SPARC: variants seen among roughly 807,000 people sequenced by gnomAD.
SPARC encodes the protein secreted protein acidic and cysteine rich.
SPARC carries 23 observed loss-of-function variants against 37.7 expected under a neutral mutation model. The ratio of observed to expected loss-of-function variants is 0.61; its 90% confidence interval spans 0.44 to 0.87. The LOEUF is 0.87. Among genes scored for constraint, SPARC ranks in the 40% least tolerant of loss-of-function variants. The pLI is 0.00. For missense variants in SPARC, 312 were observed against 389.0 expected (o/e 0.80, Z 1.66); for synonymous variants, 155 against 150.8 (o/e 1.03, Z -0.20).
chr5:151,673,751 ATGT>A (rs1161315954), intron 3 of SPARC, among the ~76,000 whole-genome samples: 2 of 152,154 alleles, frequency 1.3e-5, no homozygotes, highest in East Asian at 3.8e-4. Flanking sequence ...CAATTTAGAC[ATGT>A]TGATTGAAGT....
intron 5 of SPARC, among the ~76,000 whole-genome samples, chr5:151,670,687 C>T (rs1009922340): frequency 6.6e-6 from 1 of 152,138 alleles, no homozygotes; most frequent in Admixed American, 6.5e-5. Context: ...ATGCAGTGGC[C>T]GTAAGTAGCT....
chr5:151,684,895 G>A (rs1006435329), intron 1 of SPARC, among the ~76,000 whole-genome samples: 1 of 152,170 alleles, frequency 6.6e-6, no homozygotes, highest in Admixed American at 6.5e-5. Flanking sequence ...CCCTTGCAAG[G>A]AGATTATCAT....
At chr5:151,675,684 T>C (rs7733793) in intron 2 of SPARC, among the ~76,000 whole-genome samples, 93,247 of 151,832 alleles carry the variant, frequency 0.61, 29,009 homozygotes, top group African/African-American at 0.69. Flanking sequence ...TTCCCCTCCT[T>C]CCCCAATTTA....
At chr5:151,670,478 C>T (rs575940111) in intron 5 of SPARC, among the ~76,000 whole-genome samples, 8 of 152,300 alleles carry the variant, frequency 5.3e-5, no homozygotes, top group African/African-American at 1.4e-4. Context: ...CTCTGATGAC[C>T]CCTCTTGGGA....
rs187002004 is a variant in SPARC, at chr5:151,682,621, T to C, written c.-14+4244A>G. Among the ~76,000 whole-genome samples, 24 of 152,328 alleles carry C rather than the reference T, an allele frequency of 1.6e-4. No individual in the cohort carries two copies. The East Asian group carries it at 4.2e-3, about 27-fold the overall frequency. On this transcript the variant is annotated intron_variant, in intron 1 of 9. Coordinates refer to ENST00000231061, the MANE Select transcript of SPARC (RefSeq NM_003118.4). ...CTGACAGCCACTACCGATGAATTAG[T>C]GATGTTGTCAGGCCACATGAAACCT...
Position 151,674,642 on chromosome 5 carries a change from C to T in SPARC, c.90G>A (p.Val30=). 6.2e-7 allele frequency: 1 copy of T among 1,614,172 alleles called. No homozygotes were observed. Among genetic ancestry groups the T allele is most frequent in the South Asian group, 1.1e-5 (1 of 91,084 alleles). The change falls in exon 3 of 10, where the codon GTG becomes GTA. Residue 30 remains valine, a synonymous_variant. Transcript: ENST00000231061. The stretch of plus-strand genomic sequence containing the variant: ...TCACCTCTGCCACAGTTTCTTCCAC[C>T]ACCTCTGTCTCATCAGGCAGGGCTT... ...QQEALPDETE[V]VEETVAEVTE... is the part of the protein sequence containing the mutation.
At chr5:151,682,296 A>G (rs1761012720) in intron 1 of SPARC, among the ~76,000 whole-genome samples, 2 of 152,194 alleles carry the variant, frequency 1.3e-5, no homozygotes, top group African/African-American at 4.8e-5. Flanking sequence ...GAGATGCCAC[A>G]TTTCACTGTG....
rs146113995 is a variant in SPARC at position 151,683,739 on chromosome 5, G to A, written c.-14+3126C>T. ...CTGTCTGTTTCAGCCTGTAATAGGC[G>A]AGGGTCAGAATTTTCACATTCATTG... On this transcript the variant is annotated intron_variant, in intron 1 of 9. Transcript: ENST00000231061. Among the ~76,000 whole-genome samples the A allele has an allele frequency of 2.4e-3, 360 of 152,306 alleles. 2 individuals are homozygous for A. The highest frequency in any genetic ancestry group is 8.2e-3 in the African/African-American group (339 of 41,560).
chr5:151,664,308 G>A, intron 8 of SPARC, 73 bp from the exon 9 acceptor site: 1 of 1,393,884 alleles, frequency 7.2e-7, no homozygotes, highest in Middle Eastern at 2.1e-4. Context: ...GGCAACCGGG[G>A]AGTTAGCCTG....
intron 1 of SPARC, chr5:151,679,442 G>C (rs550693421): frequency 6.6e-6 from 1 of 152,232 alleles, no homozygotes; most frequent in Non-Finnish European, 1.5e-5. Flanking sequence ...GCAGCTACCC[G>C]CTCCCAGGTG....
At chr5:151,670,423 A>G (rs2113094537) in intron 5 of SPARC, among the ~76,000 whole-genome samples, 1 of 152,342 alleles carries the variant, frequency 6.6e-6, no homozygotes, top group African/African-American at 2.4e-5. Context: ...GGAAAGAAAC[A>G]TCACTCACAT....
intron 9 of SPARC, 60 bp from the exon 10 acceptor site, chr5:151,663,659 C>T: frequency 1.9e-6 from 3 of 1,575,686 alleles, no homozygotes; most frequent in Non-Finnish European, 2.6e-6. Flanking sequence ...AACGCACTTC[C>T]CAAGGAGTCA....
intron 4 of SPARC, 118 bp from the exon 5 acceptor site, chr5:151,671,812 G>C: frequency 7.3e-7 from 1 of 1,370,004 alleles, no homozygotes; most frequent in Non-Finnish European, 1.0e-6. Flanking sequence ...TCTGGGCTTT[G>C]GACAGCCCTG....
intron 7 of SPARC, 163 bp from the exon 8 acceptor site, chr5:151,666,672 C>T (rs927983247): frequency 3.2e-5 from 19 of 596,986 alleles, no homozygotes; most frequent in Non-Finnish European, 5.2e-5. Flanking sequence ...GCATCTCATT[C>T]ACAAAAATAG....
intron 8 of SPARC, among the ~76,000 whole-genome samples, chr5:151,665,223 T>A (rs551973610): frequency 6.6e-6 from 1 of 152,326 alleles, no homozygotes; most frequent in South Asian, 2.1e-4. Context: ...CCAGATGTGC[T>A]GTTCTTGCAC....
chr5:151,664,391 C>T (rs1353241808), intron 8 of SPARC, among the ~76,000 whole-genome samples, 156 bp from the exon 9 acceptor site: 1 of 152,198 alleles, frequency 6.6e-6, no homozygotes, highest in East Asian at 1.9e-4. Context: ...CCTAGCTCTG[C>T]CACTGACTGC....
intron 7 of SPARC, 72 bp downstream of exon 7, chr5:151,667,395 G>T: frequency 6.3e-7 from 1 of 1,581,040 alleles, no homozygotes; most frequent in Non-Finnish European, 8.7e-7. Flanking sequence ...CCCTGCAGCT[G>T]GGGGCCCAGT....
chr5:151,682,446 G>C (rs1408688268), intron 1 of SPARC, among the ~76,000 whole-genome samples: 3 of 152,136 alleles, frequency 2.0e-5, no homozygotes, highest in Non-Finnish European at 2.9e-5. Flanking sequence ...AAAAGCCTCC[G>C]AGATCCCAAA....
In SPARC at chr5:151,673,216, C is replaced by A. The variant is rs763897948; in HGVS notation, c.121G>T (p.Val41Leu). The change falls in exon 4 of 10, where the codon GTA becomes TTA. Residue 41 changes from valine (V) to leucine (L), a missense_variant and splice_region_variant. Transcript: ENST00000231061. The stretch of plus-strand genomic sequence containing the variant: ...TGGACAGGATTAGCTCCCACAGATA[C>A]CTGGAATTGAGGGAGAAGAATGGGT... Reference protein sequence around the residue: ...VEETVAEVTEVSVGANPVQVE... With the variant: ...VEETVAEVTELSVGANPVQVE... The A allele has an allele frequency of 6.2e-7, 1 of 1,608,386 alleles. No homozygotes were observed. The highest frequency in any genetic ancestry group is 1.7e-5 in the Admixed American group (1 of 60,010).
Sources: allele counts gnomAD v4.1 joint callset (sites outside exome capture counted in the v4.1 genomes callset), GRCh38; gene constraint gnomAD v4.1.1; transcripts MANE v1.5; gene names NCBI Gene and HGNC (gene_info 2026-07-23, HGNC 2026-07-21).